Variants in KANK4 observed in about 807,000 individuals in gnomAD.
The protein encoded by KANK4 is KN motif and ankyrin repeat domain-containing protein 4.
Under a neutral mutation model 80.8 loss-of-function variants are expected in KANK4, and 50 were observed. The observed-to-expected ratio is 0.62, with a 90% CI of 0.49 to 0.78. The LOEUF (loss-of-function observed/expected upper bound fraction) is 0.78. Among genes scored for constraint, KANK4 ranks in the 30% least tolerant of loss-of-function variants. The pLI is 0.00. For missense variants in KANK4, 1,196 were observed against 1,240.1 expected, an observed-to-expected ratio of 0.96 and a Z score of 0.53; for synonymous variants, 465 against 506.9, an observed-to-expected ratio of 0.92 and a Z score of 1.11.
chr1:62,265,223 C>G (rs570163287), intron 6 of KANK4, among the ~76,000 whole-genome samples: 1 of 151,844 alleles, frequency 6.6e-6, no homozygotes, highest in Admixed American at 6.6e-5. Context: ...ACATCCACAT[C>G]ACATATTGGT....
intron 1 of KANK4, among the ~76,000 whole-genome samples, chr1:62,304,503 G>A (rs1228498281): frequency 6.6e-6 from 1 of 151,966 alleles, no homozygotes; most frequent in African/African-American, 2.4e-5. Context: ...TCCAATCCAG[G>A]ATTCTCCCCT....
At chr1:62,250,566 G>A (rs1671590359) in intron 8 of KANK4, among the ~76,000 whole-genome samples, 1 of 152,200 alleles carries the variant, frequency 6.6e-6, no homozygotes, top group Non-Finnish European at 1.5e-5. Flanking sequence ...TAAAGGGAAT[G>A]GCTGCAGCTA....
At chr1:62,292,677 C>A (rs1023525455) in intron 1 of KANK4, among the ~76,000 whole-genome samples, 4 of 152,096 alleles carry the variant, frequency 2.6e-5, no homozygotes, top group Non-Finnish European at 4.4e-5. Context: ...GGGAGGTGAA[C>A]CCTGAAAGGC....
At position 62,247,523 on chromosome 1, in the gene KANK4, C is replaced by G. The variant is rs1180588331; in HGVS notation, c.2832G>C (p.Leu944=). 6.2e-7 allele frequency: 1 copy of G among 1,614,078 alleles called. No homozygotes were observed. Residue 944 remains leucine (L), a synonymous_variant, in exon 9 of 10, where the codon CTG becomes CTC. Coordinates refer to ENST00000371153, the MANE Select transcript of KANK4 (RefSeq NM_181712.5). ...MVACHHGNVD[L]VRLLLAHPAC... Reference sequence around the variant, plus strand: ...CTGGGTGTGCCAGGAGCAGCCGCACCAGGTCCACGTTGCCATGGTGACAGG... The same window carrying G: ...CTGGGTGTGCCAGGAGCAGCCGCACGAGGTCCACGTTGCCATGGTGACAGG...
intron 1 of KANK4, among the ~76,000 whole-genome samples, chr1:62,293,504 A>G (rs574233646): frequency 6.6e-6 from 1 of 152,336 alleles, no homozygotes; most frequent in Admixed American, 6.5e-5. Flanking sequence ...ATTCTCTTCA[A>G]TTCTTACAAG....
At chr1:62,243,796 C>T (rs1671401582) in intron 9 of KANK4, among the ~76,000 whole-genome samples, 1 of 152,210 alleles carries the variant, frequency 6.6e-6, no homozygotes, top group African/African-American at 2.4e-5. Flanking sequence ...AAAATCACCC[C>T]TAGCTGAGAA....
rs753061564 is a variant in KANK4 at position 62,271,494 on chromosome 1, C to A, written c.1996G>T (p.Val666Phe). ...GATGCTTACCCACCGTTAACCCCAACAAACTGAAGGTTCTTTTTGGTCCCA... is the reference window on the plus strand; with the variant it reads ...GATGCTTACCCACCGTTAACCCCAAAAAACTGAAGGTTCTTTTTGGTCCCA... ...GNGTKKNLQF[V>F]GVNGGYETTS... The change falls in exon 4 of 10, where the codon GTT becomes TTT. Residue 666 changes from valine to phenylalanine, a missense_variant. Physicochemically the swap from Val to Phe is conservative, Grantham distance 50 (BLOSUM62 -1). This residue lies in a region of KANK4 where 1,154 missense variants were observed against 1,179.6 expected (regional missense o/e 0.98). Transcript: ENST00000371153. The A allele has an allele frequency of 6.2e-6, 10 of 1,613,304 alleles. No homozygotes were observed. The highest frequency in any genetic ancestry group is 5.5e-5 in the South Asian group (5 of 91,064).
rs943699160 is a variant in KANK4 at position 62,266,765 on chromosome 1, C to T, written c.2286G>A (p.Leu762=). Residue 762 remains leucine, a synonymous_variant, in exon 6 of 10, where the codon CTG becomes CTA. Transcript: ENST00000371153. ...GGTCTGTGGTGGTCCCAGTTTCTGGCAGATGCTGGCTCAGTGCCCGGCATG... is the reference window on the plus strand; with the variant it reads ...GGTCTGTGGTGGTCCCAGTTTCTGGTAGATGCTGGCTCAGTGCCCGGCATG... ...LNACRALSQH[L]PETGTTTDQL... 4.3e-6 allele frequency: 7 copies of T among 1,613,102 alleles called. No homozygotes were observed. The highest frequency in any genetic ancestry group is 4.2e-6 in the Non-Finnish European group (5 of 1,179,090).
chr1:62,257,751 CA>C (rs1458356987), intron 7 of KANK4, among the ~76,000 whole-genome samples: 1 of 152,194 alleles, frequency 6.6e-6, no homozygotes, highest in Non-Finnish European at 1.5e-5. Flanking sequence ...CCATTCTCCC[CA>C]ACCCCCTTCT....
rs761613931 is a variant in KANK4 at position 62,274,800 on chromosome 1, C to T, written c.304G>A (p.Gly102Arg). ...GGTGACTGGTTTTGCTCCTGTGTCCCAAGTGATGCCTCCCTTGGCACCACG... is the reference window on the plus strand; with the variant it reads ...GGTGACTGGTTTTGCTCCTGTGTCCTAAGTGATGCCTCCCTTGGCACCACG... ...SPVVPREASL[G>R]TQEQNQSPPL... Residue 102 changes from glycine to arginine, a missense_variant, in exon 3 of 10, where the codon GGG (glycine) becomes AGG (arginine). Transcript: ENST00000371153. 1.2e-6 allele frequency: 2 copies of T among 1,614,122 alleles called. No homozygotes were observed. Among genetic ancestry groups the T allele is most frequent in the Non-Finnish European group, 1.7e-6 (2 of 1,180,014 alleles).
chr1:62,315,176 C>A (rs1644529242), intron 1 of KANK4, among the ~76,000 whole-genome samples: 1 of 152,068 alleles, frequency 6.6e-6, no homozygotes, highest in African/African-American at 2.4e-5. Flanking sequence ...GGTTATGGAC[C>A]AGCTGTAAAT....
chr1:62,302,139 C>T (rs1344367998), intron 1 of KANK4, among the ~76,000 whole-genome samples: 3 of 152,076 alleles, frequency 2.0e-5, no homozygotes, highest in Non-Finnish European at 4.4e-5. Context: ...AGGAGGCAGA[C>T]GTCAAGGGTT....
At chr1:62,249,021 A>G (rs949479866) in intron 8 of KANK4, among the ~76,000 whole-genome samples, 11 of 150,460 alleles carry the variant, frequency 7.3e-5, no homozygotes, top group African/African-American at 2.7e-4. Context: ...AAAAAATACA[A>G]AAATTAGCTA....
chr1:62,261,570 C>T (rs1053526910), intron 7 of KANK4, among the ~76,000 whole-genome samples: 4 of 152,080 alleles, frequency 2.6e-5, no homozygotes, highest in Non-Finnish European at 5.9e-5. Context: ...CACCTCCTCT[C>T]CTGCTCCCTT....
intron 1 of KANK4, among the ~76,000 whole-genome samples, chr1:62,304,905 C>G (rs1644439072): frequency 6.6e-6 from 1 of 152,088 alleles, no homozygotes; most frequent in Admixed American, 6.5e-5. Flanking sequence ...TGCTACCTAC[C>G]ACTACTGTCC....
rs759317740 is a variant in KANK4, at chr1:62,247,624, T to C, written c.2731A>G (p.Met911Val). ...MLGVSHDREDMVQALLSCQAD... is the reference protein window; with the variant it reads ...MLGVSHDREDVVQALLSCQAD... ...TGGCAGCTAAGCAGCGCTTGAACCA[T>C]GTCCTCCCTGTCGTGGCTGACTCCC... The change falls in exon 9 of 10, where the codon ATG becomes GTG. Residue 911 changes from methionine (M) to valine (V), a missense_variant. By Grantham distance (21) the Met-to-Val change is conservative. Coordinates refer to ENST00000371153, the MANE Select transcript of KANK4 (RefSeq NM_181712.5). 2 of 1,614,062 alleles carry C rather than the reference T, an allele frequency of 1.2e-6. No homozygotes were observed. The highest frequency in any genetic ancestry group is 1.7e-6 in the Non-Finnish European group (2 of 1,180,038).
intron 8 of KANK4, among the ~76,000 whole-genome samples, chr1:62,252,354 CATG>C (rs988915576): frequency 1.1e-4 from 17 of 152,176 alleles, no homozygotes; most frequent in Admixed American, 5.9e-4. Context: ...GGGACTGGGG[CATG>C]ATTTGTGTGT....
intron 7 of KANK4, among the ~76,000 whole-genome samples, chr1:62,253,670 G>A (rs535365699): frequency 2.9e-4 from 44 of 152,102 alleles, no homozygotes; most frequent in African/African-American, 1.0e-3. Flanking sequence ...CCTTGGCTTC[G>A]CAAAGTGCTG....
intron 1 of KANK4, among the ~76,000 whole-genome samples, chr1:62,298,480 A>C (rs2149165022): frequency 6.6e-6 from 1 of 152,316 alleles, no homozygotes; most frequent in South Asian, 2.1e-4. Flanking sequence ...CAAGCTCTCA[A>C]GAGATGCTGA....
Sources: gnomAD v4.1 joint callset for allele counts (sites outside exome capture counted in the v4.1 genomes callset) on GRCh38, gnomAD v4.1.1 for gene constraint, gnomAD v4.1.1 regional missense constraint, MANE v1.5 for transcripts, NCBI Gene and HGNC (gene_info 2026-07-23, HGNC 2026-07-21) for gene names.